GPC6: variants seen among roughly 807,000 people sequenced by gnomAD.
GPC6 encodes glypican 6.
A neutral mutation model predicts 55.2 loss-of-function variants in GPC6; 14 were observed. The ratio of observed to expected loss-of-function variants is 0.25; its 90% confidence interval spans 0.17 to 0.40. GPC6 has a LOEUF of 0.40. GPC6 is among the 10% of genes least tolerant of loss of function. The probability of loss-of-function intolerance (pLI) is 1.00; values close to 1 mark genes in which losing one functional copy is unlikely to be tolerated. For missense variants in GPC6, 641 were observed against 708.5 expected, an observed-to-expected ratio of 0.90 and a Z score of 1.08; for synonymous variants, 278 against 259.6, an observed-to-expected ratio of 1.07 and a Z score of -0.68.
intron 1 of GPC6, among the ~76,000 whole-genome samples, chr13:93,455,939 T>G (rs1487293043): frequency 6.6e-6 from 1 of 152,194 alleles, no homozygotes; most frequent in Non-Finnish European, 1.5e-5. Context: ...TCTTGTAAAA[T>G]AAAGTTCTCT....
At position 94,346,303 on chromosome 13, in the gene GPC6, G is replaced by A. The variant is rs949287083; in HGVS notation, c.1153-36111G>A. Among the ~76,000 whole-genome samples the A allele has an allele frequency of 2.0e-5, 3 of 152,318 alleles. No individual in the cohort carries two copies. The South Asian group carries it at 6.2e-4, about 32-fold the overall frequency. The stretch of plus-strand genomic sequence containing the variant: ...ATTTGCAGACTGTTGAGGATGGGGG[G>A]AGTGTGAGTTCTTAATCTCATTACA... On this transcript the variant is annotated intron_variant, in intron 6 of 8. Coordinates refer to ENST00000377047, the MANE Select transcript of GPC6 (RefSeq NM_005708.5).
At chr13:94,249,943 C>T (rs920383575) in intron 4 of GPC6, among the ~76,000 whole-genome samples, 6 of 152,070 alleles carry the variant, frequency 3.9e-5, no homozygotes, top group African/African-American at 9.7e-5. Context: ...GTCTGCCATG[C>T]GGACAGGAAA....
chr13:93,577,123 C>T (rs778741282), intron 2 of GPC6, among the ~76,000 whole-genome samples: 1 of 152,090 alleles, frequency 6.6e-6, no homozygotes, highest in Non-Finnish European at 1.5e-5. Context: ...CCTAAACCAA[C>T]AACACTACCA....
intron 1 of GPC6, among the ~76,000 whole-genome samples, chr13:93,368,986 G>A (rs535270646): frequency 1.3e-5 from 2 of 151,982 alleles, no homozygotes; most frequent in African/African-American, 4.8e-5. Flanking sequence ...TCCCCATATG[G>A]CCTTCACTGG....
At position 93,479,626 on chromosome 13, in the gene GPC6, T is replaced by C. The variant is rs548465079; in HGVS notation, c.161-65637T>C. Among the ~76,000 whole-genome samples the C allele has an allele frequency of 3.8e-4, 58 of 150,832 alleles. No homozygotes were observed. The South Asian group carries it at 0.012, about 31-fold the overall frequency. ...TGGTGAGACCCCCCCCCATCTCTAC[T>C]AAAAATAAAAAAATTAGCTAGGTGT... On this transcript the variant is annotated intron_variant, in intron 1 of 8. Transcript: ENST00000377047.
intron 2 of GPC6, among the ~76,000 whole-genome samples, chr13:93,630,351 A>G (rs183078904): frequency 6.6e-6 from 1 of 152,308 alleles, no homozygotes; most frequent in Admixed American, 6.5e-5. Context: ...ACTTCTACGG[A>G]CACTTCTGAA....
chr13:93,513,855 G>A (rs1041635462), intron 1 of GPC6, among the ~76,000 whole-genome samples: 1 of 147,148 alleles, frequency 6.8e-6, no homozygotes, highest in South Asian at 2.1e-4. Context: ...TCCCATGAAC[G>A]AATCCTTTGC....
chr13:94,309,250 A>G (rs1566659597), intron 6 of GPC6, among the ~76,000 whole-genome samples: 1 of 152,212 alleles, frequency 6.6e-6, no homozygotes, highest in Non-Finnish European at 1.5e-5. Flanking sequence ...TGCCAAAATG[A>G]AAATAACTAT....
At chr13:93,990,919 A>G (rs1287979471) in intron 3 of GPC6, among the ~76,000 whole-genome samples, 1 of 150,696 alleles carries the variant, frequency 6.6e-6, no homozygotes. Flanking sequence ...GAGAGAAAGG[A>G]AAAAAAAGCG....
intron 2 of GPC6, among the ~76,000 whole-genome samples, chr13:93,646,568 C>CT (rs1441483493): frequency 2.0e-5 from 3 of 152,022 alleles, no homozygotes; most frequent in African/African-American, 7.2e-5. Context: ...TATGTCCCCC[C>CT]AGCAATTTTA....
Position 93,738,936 on chromosome 13 carries a change from TACACACACACAC to T in GPC6, c.320-91193_320-91182del, listed in dbSNP as rs56928879. On this transcript the variant is annotated intron_variant, in intron 2 of 8. Coordinates refer to ENST00000377047, the MANE Select transcript of GPC6 (RefSeq NM_005708.5). ...TTTAAATTCCAAGTGCACTTGGTTT[TACACACACACAC>T]ACACACACACACACACACACACACT... Among the ~76,000 whole-genome samples the T allele has an allele frequency of 4.9e-4, 71 of 145,574 alleles. 1 individual carries two copies. The highest frequency in any genetic ancestry group is 2.6e-3 in the East Asian group (13 of 4,970).
At chr13:93,381,785 T>C (rs1475656903) in intron 1 of GPC6, among the ~76,000 whole-genome samples, 1 of 152,134 alleles carries the variant, frequency 6.6e-6, no homozygotes, top group African/African-American at 2.4e-5. Context: ...TCTATTATCA[T>C]GACTTTCCAC....
intron 2 of GPC6, among the ~76,000 whole-genome samples, chr13:93,570,585 A>G (rs1173055789): frequency 6.6e-6 from 1 of 152,184 alleles, no homozygotes; most frequent in South Asian, 2.1e-4. Flanking sequence ...ACTGTATTAG[A>G]AAAGTGAATG....
chr13:94,052,731 T>C (rs973555296), intron 4 of GPC6, among the ~76,000 whole-genome samples: 5 of 152,156 alleles, frequency 3.3e-5, no homozygotes, highest in African/African-American at 9.7e-5. Context: ...ATTTTAAGCT[T>C]CTTGGGGGCC....
intron 3 of GPC6, among the ~76,000 whole-genome samples, chr13:93,913,554 C>G (rs1238554683): frequency 6.6e-6 from 1 of 152,156 alleles, no homozygotes; most frequent in African/African-American, 2.4e-5. Context: ...CATTTTCTCT[C>G]ATAGCATTTG....
At chr13:93,722,102 G>A (rs185030187) in intron 2 of GPC6, among the ~76,000 whole-genome samples, 91 of 151,544 alleles carry the variant, frequency 6.0e-4, no homozygotes, top group Admixed American at 2.7e-3. Flanking sequence ...TTGTTTTATG[G>A]TATTCTTAAT....
intron 6 of GPC6, among the ~76,000 whole-genome samples, chr13:94,308,517 T>C (rs1292389057): frequency 1.3e-5 from 2 of 152,196 alleles, no homozygotes; most frequent in Non-Finnish European, 2.9e-5. Context: ...TGGTTAAACG[T>C]ATCATCACAA....
At chr13:93,347,566 G>A (rs536545175) in intron 1 of GPC6, among the ~76,000 whole-genome samples, 56 of 152,192 alleles carry the variant, frequency 3.7e-4, no homozygotes, top group South Asian at 1.0e-3. Context: ...CCCCAACATC[G>A]AGTCTAATGC....
intron 2 of GPC6, among the ~76,000 whole-genome samples, chr13:93,816,114 C>A (rs1886839843): frequency 6.6e-6 from 1 of 152,116 alleles, no homozygotes; most frequent in Admixed American, 6.5e-5. Context: ...TTCATACAGT[C>A]ATTTAAATCT....
Sources: allele counts gnomAD v4.1 joint callset (sites outside exome capture counted in the v4.1 genomes callset), GRCh38; gene constraint gnomAD v4.1.1; transcripts MANE v1.5; gene names NCBI Gene and HGNC (gene_info 2026-07-23, HGNC 2026-07-21).